Variants in PDE4D observed in about 807,000 individuals in gnomAD.
PDE4D encodes the protein phosphodiesterase 4D.
A neutral mutation model predicts 87.4 loss-of-function variants in PDE4D; 24 were observed. That is an observed-to-expected ratio of 0.27 (90% CI 0.20 to 0.39). The LOEUF is 0.39. Among genes scored for constraint, PDE4D ranks in the 10% least tolerant of loss-of-function variants. The pLI is 1.00. For missense variants in PDE4D, 714 were observed against 1,041.0 expected, an observed-to-expected ratio of 0.69 and a Z score of 4.32; for synonymous variants, 384 against 383.2, an observed-to-expected ratio of 1.00 and a Z score of -0.02.
At chr5:59,492,961 C>T (rs948209387) in intron 1 of PDE4D, among the ~76,000 whole-genome samples, 1 of 152,148 alleles carries the variant, frequency 6.6e-6, no homozygotes, top group African/African-American at 2.4e-5. Context: ...GTCTCCCCAG[C>T]CATGTGGAAC....
chr5:60,046,031 T>C lies in PDE4D; in HGVS notation c.43-57314A>G, dbSNP rs1000593317. 3.5e-4 allele frequency among the ~76,000 whole-genome samples: 54 copies of C among 152,136 alleles called. 1 individual carries two copies. Among genetic ancestry groups the C allele is most frequent in the Non-Finnish European group, 1.9e-4 (13 of 68,012 alleles). Reference sequence around the variant, plus strand: ...ATTCTTCCATTTGTTTGTATCCTCTTTTATTTCCTTGAGCAGTGGTTTGTA... The same window carrying C: ...ATTCTTCCATTTGTTTGTATCCTCTCTTATTTCCTTGAGCAGTGGTTTGTA... On this transcript the variant is annotated intron_variant, in intron 2 of 16. Transcript: ENST00000502484.
At chr5:59,850,946 T>C (rs1205183158) in intron 1 of PDE4D, among the ~76,000 whole-genome samples, 1 of 152,040 alleles carries the variant, frequency 6.6e-6, no homozygotes, top group African/African-American at 2.4e-5. Context: ...CCAGATGATA[T>C]TTGCCTCCTG....
chr5:59,570,010 T>C (rs1821560598), intron 1 of PDE4D, among the ~76,000 whole-genome samples: 1 of 152,216 alleles, frequency 6.6e-6, no homozygotes, highest in Non-Finnish European at 1.5e-5. Context: ...CAGACACAAA[T>C]ACTACATTAT....
At chr5:59,518,693 G>C (rs1012358056) in intron 1 of PDE4D, among the ~76,000 whole-genome samples, 1 of 152,088 alleles carries the variant, frequency 6.6e-6, no homozygotes, top group South Asian at 2.1e-4. Context: ...TCAGGCATTC[G>C]ACTACCAGCT....
At chr5:59,726,102 T>G (rs1398344030) in intron 1 of PDE4D, among the ~76,000 whole-genome samples, 1 of 152,124 alleles carries the variant, frequency 6.6e-6, no homozygotes, top group Non-Finnish European at 1.5e-5. Context: ...TTCTCTAAAG[T>G]CAATGTGTTT....
intron 1 of PDE4D, among the ~76,000 whole-genome samples, chr5:59,330,872 G>A (rs531329266): frequency 5.1e-4 from 77 of 152,012 alleles, no homozygotes; most frequent in Non-Finnish European, 8.5e-4. Flanking sequence ...TCCTGCCTTC[G>A]TGTCTGACAC....
chr5:59,107,336 GTAAC>G (rs1444467532), intron 5 of PDE4D, among the ~76,000 whole-genome samples: 1 of 152,090 alleles, frequency 6.6e-6, no homozygotes, highest in Non-Finnish European at 1.5e-5. Flanking sequence ...AGCCTGCCAA[GTAAC>G]TAAGATTACA....
intron 1 of PDE4D, among the ~76,000 whole-genome samples, chr5:59,555,009 C>T (rs1296070313): frequency 6.6e-6 from 1 of 152,034 alleles, no homozygotes; most frequent in Non-Finnish European, 1.5e-5. Flanking sequence ...GGGTATATAC[C>T]CAAAGGAATA....
chr5:60,000,900 CT>C (rs1218947604), intron 2 of PDE4D, among the ~76,000 whole-genome samples: 70 of 152,236 alleles, frequency 4.6e-4, no homozygotes, highest in Middle Eastern at 3.4e-3. Context: ...CCTGTCAGGA[CT>C]CATTCCCATC....
chr5:59,907,369 A>T (rs999488452), intron 3 of PDE4D, among the ~76,000 whole-genome samples: 3 of 152,078 alleles, frequency 2.0e-5, no homozygotes, highest in African/African-American at 7.2e-5. Flanking sequence ...TATAAGTGGG[A>T]GCTAAATTAA....
chr5:60,489,319 G>C (rs979350199), upstream of PDE4D, among the ~76,000 whole-genome samples: 1 of 152,152 alleles, frequency 6.6e-6, no homozygotes, highest in Non-Finnish European at 1.5e-5. Flanking sequence ...TCATAGTGAC[G>C]ATAGAATATA....
At chr5:59,202,997 CA>C (rs1368513429) in intron 2 of PDE4D, among the ~76,000 whole-genome samples, 2 of 151,984 alleles carry the variant, frequency 1.3e-5, no homozygotes, top group African/African-American at 4.8e-5. Flanking sequence ...AACTCAATGG[CA>C]AAAAAACAAA....
intron 1 of PDE4D, among the ~76,000 whole-genome samples, chr5:59,434,024 AAAG>A (rs1796470052): frequency 6.7e-6 from 1 of 148,240 alleles, no homozygotes; most frequent in Non-Finnish European, 1.5e-5. Context: ...GGATGTTCCT[AAAG>A]AAGTCTCATC....
chr5:60,383,214 T>C (rs969736312), intron 1 of PDE4D, among the ~76,000 whole-genome samples: 1 of 152,174 alleles, frequency 6.6e-6, no homozygotes, highest in Non-Finnish European at 1.5e-5. Context: ...ATTATTTTTC[T>C]GTAAAAGGTA....
At chr5:60,398,099 T>C (rs1453730366) in intron 1 of PDE4D, among the ~76,000 whole-genome samples, 1 of 152,198 alleles carries the variant, frequency 6.6e-6, no homozygotes, top group African/African-American at 2.4e-5. Context: ...TTTTTTGTTT[T>C]TTAATCTTCT....
chr5:59,322,880 C>G (rs1018434732), intron 1 of PDE4D, among the ~76,000 whole-genome samples: 6 of 152,138 alleles, frequency 3.9e-5, no homozygotes, highest in Non-Finnish European at 7.4e-5. Context: ...TGAAGCAGCA[C>G]TATTCTGACC....
intron 1 of PDE4D, among the ~76,000 whole-genome samples, chr5:59,633,235 T>A (rs867838521): frequency 6.6e-6 from 1 of 152,128 alleles, no homozygotes; most frequent in Non-Finnish European, 1.5e-5. Flanking sequence ...AATATGGGAC[T>A]ATGTAAAAAG....
intron 2 of PDE4D, among the ~76,000 whole-genome samples, chr5:60,113,258 T>C (rs568715201): frequency 2.0e-5 from 3 of 151,988 alleles, no homozygotes; most frequent in Non-Finnish European, 4.4e-5. Flanking sequence ...CTTAAGAAAA[T>C]AGAAGAAACT....
intron 2 of PDE4D, among the ~76,000 whole-genome samples, chr5:60,153,592 C>T (rs6867413): frequency 0.01 from 1,585 of 152,188 alleles, 34 homozygotes; most frequent in East Asian, 0.045. Context: ...AAGCATTATT[C>T]GCAATAGCCA....
Sources: gnomAD v4.1 joint callset for allele counts (sites outside exome capture counted in the v4.1 genomes callset) on GRCh38, gnomAD v4.1.1 for gene constraint, MANE v1.5 for transcripts, NCBI Gene and HGNC (gene_info 2026-07-23, HGNC 2026-07-21) for gene names.